The following NIBAN2 variants were observed in gnomAD, a reference collection of about 807,000 sequenced individuals.
NIBAN2 encodes the protein protein Niban 2.
NIBAN2 carries 36 observed loss-of-function variants against 81.8 expected under a neutral mutation model. That is an observed-to-expected ratio of 0.44 (90% CI 0.34 to 0.58). The LOEUF (loss-of-function observed/expected upper bound fraction) is 0.58. Among genes scored for constraint, NIBAN2 ranks in the 20% least tolerant of loss-of-function variants. The pLI is 0.02. For missense variants in NIBAN2, 897 were observed against 1,014.1 expected, an observed-to-expected ratio of 0.88 and a Z score of 1.57; for synonymous variants, 445 against 441.6, an observed-to-expected ratio of 1.01 and a Z score of -0.10.
At position 127,517,842 on chromosome 9, in the gene NIBAN2, C is replaced by T. The variant is rs775450090; in HGVS notation, c.689G>A (p.Cys230Tyr). The T allele has an allele frequency of 1.9e-6, 3 of 1,613,684 alleles. No individual in the cohort carries two copies. Among genetic ancestry groups the T allele is most frequent in the Admixed American group, 3.3e-5 (2 of 59,970 alleles). Residue 230 changes from cysteine to tyrosine, a missense_variant, in exon 6 of 14, where the codon TGT becomes TAT. Transcript: ENST00000373312. This position sits in a 1 kb window ranked among gnomAD's most constrained non-coding sequence, Gnocchi z 4.0. ...KELYGTWEMLCGNEVQILSNL... is the reference protein window; with the variant it reads ...KELYGTWEMLYGNEVQILSNL... ...TGGCCTCACCTGCACCTCGTTCCCA[C>T]ACAGCATCTCCCAGGTGCCGTACAG...
chr9:127,575,227 A>G lies in NIBAN2; in HGVS notation c.16+3695T>C, dbSNP rs972113874. The stretch of plus-strand genomic sequence containing the variant: ...CCACCTCACAGCTTATGAAATATGG[A>G]TTCTTTTTTTTTTTTTTTTGAGATG... On this transcript the variant is annotated intron_variant, in intron 1 of 13. Transcript: ENST00000373314. Among the ~76,000 whole-genome samples, 21 of 113,964 alleles carry G rather than the reference A, an allele frequency of 1.8e-4. No individual in the cohort carries two copies. In the Admixed American group the frequency reaches 2.1e-3, roughly 11 times the overall value. The allele number at this position is 113,964 out of a possible 152,430, so 74.8% of individuals were successfully genotyped here.
At chr9:127,534,370 A>G (rs1304510699) in intron 1 of NIBAN2, among the ~76,000 whole-genome samples, 2 of 152,188 alleles carry the variant, frequency 1.3e-5, no homozygotes, top group East Asian at 3.9e-4. Context: ...AACCTGTGTT[A>G]TCCCCACTTT....
Position 127,569,072 on chromosome 9 carries a change from T to C in NIBAN2, c.-198A>G. On this transcript the variant is annotated 5_prime_UTR_variant, in exon 1 of 14. Coordinates refer to ENST00000373312, the MANE Select transcript of NIBAN2 (RefSeq NM_022833.4). ...GGCCCCGTCCCTCCAGCCGGCCGCC[T>C]TGGCCCCCTCCCTGCCCTCGGCCCT... 9.5e-7 allele frequency: 1 copy of C among 1,047,582 alleles called. No homozygotes were observed. Among genetic ancestry groups the C allele is most frequent in the Non-Finnish European group, 1.1e-6 (1 of 878,894 alleles). 64.9% of individuals were successfully genotyped at this position (1,047,582 alleles called of 1,614,324 possible).
At chr9:127,522,564 C>T (rs1836964008) in intron 5 of NIBAN2, among the ~76,000 whole-genome samples, 1 of 152,090 alleles carries the variant, frequency 6.6e-6, no homozygotes, top group Admixed American at 6.6e-5. Flanking sequence ...CTTTTCCAGA[C>T]CTGACCCCAG....
intron 8 of NIBAN2, among the ~76,000 whole-genome samples, chr9:127,513,666 T>C (rs1836774709): frequency 6.6e-6 from 1 of 152,202 alleles, no homozygotes; most frequent in South Asian, 2.1e-4. Flanking sequence ...ATGCTCTATC[T>C]AAAAAGGGAG....
chr9:127,517,710 TCTC>T lies in NIBAN2; in HGVS notation c.705+113_705+115del, dbSNP rs1268302784. The T allele has an allele frequency of 1.9e-5, 14 of 720,924 alleles. No individual in the cohort carries two copies. The highest frequency in any genetic ancestry group is 3.5e-5 in the African/African-American group (2 of 56,888). 44.7% of individuals were successfully genotyped at this position (720,924 alleles called of 1,614,324 possible). On this transcript the variant is annotated intron_variant, in intron 6 of 13. Coordinates refer to ENST00000373312, the MANE Select transcript of NIBAN2 (RefSeq NM_022833.4). The surrounding 1 kb of genome is among the most constrained non-coding windows in gnomAD (Gnocchi z 4.0). ...CACTTGTCCAAATCTAAGCATGTCATCTCCTTCCAAACCGGCAGCGCCCCAGAG... is the reference window on the plus strand; with the variant it reads ...CACTTGTCCAAATCTAAGCATGTCATCTTCCAAACCGGCAGCGCCCCAGAG...
Position 127,517,813 on chromosome 9 carries a change from C to G in NIBAN2, c.705+13G>C. 6.2e-7 allele frequency: 1 copy of G among 1,604,992 alleles called. No individual in the cohort carries two copies. The highest frequency in any genetic ancestry group is 1.1e-5 in the South Asian group (1 of 90,372). ...GACTTCTGAGGTTTCCTCACCAGCC[C>G]GTCTGGCCTCACCTGCACCTCGTTC... On this transcript the variant is annotated intron_variant, in intron 6 of 13. Coordinates refer to ENST00000373312, the MANE Select transcript of NIBAN2 (RefSeq NM_022833.4). This position sits in a 1 kb window ranked among gnomAD's most constrained non-coding sequence, Gnocchi z 4.0.
chr9:127,561,172 C>A (rs762415324), intron 1 of NIBAN2: 48 of 985,558 alleles, frequency 4.9e-5, no homozygotes, highest in Non-Finnish European at 5.8e-5. Flanking sequence ...AGCCCCATCC[C>A]ACCGTCCTCC....
In NIBAN2 at chr9:127,508,224, G is replaced by A. The variant is rs879050230; in HGVS notation, c.1435-24C>T. On this transcript the variant is annotated intron_variant, in intron 11 of 13. Transcript: ENST00000373312. The surrounding 1 kb of genome is among the most constrained non-coding windows in gnomAD (Gnocchi z 6.4). ...TTCTGCAGGGAACAAGGGGGTCGGG[G>A]GTCTGCAGGTCAGTGGGCTCCATTG... 2 of 1,584,582 alleles carry A rather than the reference G, an allele frequency of 1.3e-6. No individual in the cohort carries two copies. The highest frequency in any genetic ancestry group is 2.2e-5 in the South Asian group (2 of 90,290).
At chr9:127,547,259 G>A (rs894650446) in intron 1 of NIBAN2, among the ~76,000 whole-genome samples, 1 of 152,158 alleles carries the variant, frequency 6.6e-6, no homozygotes, top group Non-Finnish European at 1.5e-5. Flanking sequence ...GGCCAGGTGC[G>A]GTGGCTCACG....
At chr9:127,524,310 T>C (rs1051912208) in intron 4 of NIBAN2, among the ~76,000 whole-genome samples, 8 of 152,196 alleles carry the variant, frequency 5.3e-5, no homozygotes, top group Non-Finnish European at 1.2e-4. Context: ...TTCAATTTCA[T>C]TCTCAAGGAT....
At chr9:127,561,876 C>A (rs1837780269) in intron 1 of NIBAN2, among the ~76,000 whole-genome samples, 1 of 152,272 alleles carries the variant, frequency 6.6e-6, no homozygotes, top group South Asian at 2.1e-4. Flanking sequence ...TCTGCCCGGA[C>A]TCCTTCCTTA....
intron 1 of NIBAN2, among the ~76,000 whole-genome samples, chr9:127,574,935 C>T (rs1189333151): frequency 6.6e-6 from 1 of 152,264 alleles, no homozygotes; most frequent in Non-Finnish European, 1.5e-5. Context: ...CACCTCTCCC[C>T]AGCTCCACTG....
chr9:127,531,744 C>T lies in NIBAN2; in HGVS notation c.90G>A (p.Gln30=). The T allele has an allele frequency of 7.4e-6, 12 of 1,614,222 alleles. No homozygotes were observed. The highest frequency in any genetic ancestry group is 1.0e-5 in the Non-Finnish European group (12 of 1,180,038). Residue 30 remains glutamine, a synonymous_variant, in exon 2 of 14, where the codon CAG becomes CAA. Coordinates refer to ENST00000373312, the MANE Select transcript of NIBAN2 (RefSeq NM_022833.4). The part of the protein sequence containing the change: ...KTGKILTEFL[Q]FYEDQYGVAL... ...CCACGCCATACTGGTCTTCATAGAA[C>T]TGGAGGAACTCCGTCAGGATCTTCC...
At chr9:127,555,281 G>A (rs913305674) in intron 1 of NIBAN2, among the ~76,000 whole-genome samples, 3 of 152,154 alleles carry the variant, frequency 2.0e-5, no homozygotes, top group Non-Finnish European at 4.4e-5. Flanking sequence ...CCTGTGTATT[G>A]GTGGAGGGAG....
rs1464587213 is a variant in NIBAN2, at chr9:127,516,905, T to C, written c.925A>G (p.Met309Val). The C allele has an allele frequency of 4.3e-6, 7 of 1,614,098 alleles. No homozygotes were observed. In the African/African-American group the frequency reaches 5.3e-5, roughly 12 times the overall value. The change falls in exon 8 of 14, where the codon ATG (methionine) becomes GTG (valine). Residue 309 changes from methionine (M) to valine (V), a missense_variant. Met to Val is a conservative substitution (Grantham distance 21). This residue lies in a region of NIBAN2 where 619 missense variants were observed against 691.0 expected (regional missense o/e 0.90). Coordinates refer to ENST00000373312, the MANE Select transcript of NIBAN2 (RefSeq NM_022833.4). Reference protein sequence around the residue: ...PAMQAVIRTDMDQIITSKEHL... With the variant: ...PAMQAVIRTDVDQIITSKEHL... ...TCCTTGGAGGTGATAATTTGGTCCA[T>C]GTCAGTTCGGATGACGGCCTGCATG... is the stretch of plus-strand genomic sequence containing the variant.
chr9:127,570,302 T>C (rs7858002), upstream of NIBAN2, among the ~76,000 whole-genome samples: 2,135 of 152,288 alleles, frequency 0.014, 51 homozygotes, highest in African/African-American at 0.049. Flanking sequence ...CAGGCATTCA[T>C]TCATGCATTC....
chr9:127,552,888 C>T (rs1320237616), intron 1 of NIBAN2, among the ~76,000 whole-genome samples: 1 of 151,956 alleles, frequency 6.6e-6, no homozygotes, highest in Non-Finnish European at 1.5e-5. Context: ...GACAGGGTTT[C>T]ACTATGTTGG....
chr9:127,578,429 A>G (rs2132251377), intron 1 of NIBAN2, among the ~76,000 whole-genome samples: 1 of 151,042 alleles, frequency 6.6e-6, no homozygotes, highest in Non-Finnish European at 1.5e-5. Flanking sequence ...TAGGAGACCG[A>G]GGCAGGTGGA....
Sources: gnomAD v4.1 joint callset for allele counts (sites outside exome capture counted in the v4.1 genomes callset) on GRCh38, gnomAD v4.1.1 for gene constraint, gnomAD v4.1.1 regional missense constraint, Gnocchi (gnomAD v3.1) non-coding constraint, MANE v1.5 for transcripts, NCBI Gene and HGNC (gene_info 2026-07-23, HGNC 2026-07-21) for gene names.